Variants in CUL9 observed in about 807,000 individuals in gnomAD.
CUL9 encodes cullin-9.
CUL9 carries 79 observed loss-of-function variants against 272.6 expected under a neutral mutation model. That is an observed-to-expected ratio of 0.29 (90% confidence interval 0.24 to 0.35). CUL9 has a LOEUF of 0.35. Ranked by LOEUF, CUL9 falls within the 10% of genes least tolerant of loss-of-function variation. The pLI is 1.00. For synonymous variants in CUL9, 1,186 were observed against 1,286.5 expected, an observed-to-expected ratio of 0.92 and a Z score of 1.67; for missense variants, 2,532 against 3,255.6, an observed-to-expected ratio of 0.78 and a Z score of 5.41.
In CUL9 at chr6:43,206,793, C is replaced by A. The variant is rs1485148029; in HGVS notation, c.5212+283C>A. On this transcript the variant is annotated intron_variant, in intron 26 of 40. Coordinates refer to ENST00000252050, the MANE Select transcript of CUL9 (RefSeq NM_015089.4). This position sits in a 1 kb window ranked among gnomAD's most constrained non-coding sequence, Gnocchi z 4.8. ...CCAAATAAAAGTGTTTAAGACTATTCATTTCCCTCTCAATACTGCTTTAGT... is the reference window on the plus strand; with the variant it reads ...CCAAATAAAAGTGTTTAAGACTATTAATTTCCCTCTCAATACTGCTTTAGT... Among the ~76,000 whole-genome samples, 2 of 152,128 alleles carry A rather than the reference C, an allele frequency of 1.3e-5. No individual in the cohort carries two copies. Among genetic ancestry groups the A allele is most frequent in the Non-Finnish European group, 2.9e-5 (2 of 68,018 alleles).
chr6:43,216,113 T>C (rs763131560), intron 30 of CUL9, 45 bp from the exon 31 acceptor site: 1 of 1,550,278 alleles, frequency 6.5e-7, no homozygotes, highest in Admixed American at 1.7e-5. Context: ...GTAGGCTGGA[T>C]AGCAGGGCAG....
intron 31 of CUL9, among the ~76,000 whole-genome samples, chr6:43,219,263 A>G (rs1031382047): frequency 1.1e-4 from 16 of 152,188 alleles, no homozygotes; most frequent in African/African-American, 3.9e-4. Flanking sequence ...AAGCCCCTGC[A>G]AGGAGGAGCC....
Position 43,223,556 on chromosome 6 carries a change from ACCTG to A in CUL9, c.7284+164_7284+167del, listed in dbSNP as rs1582447784. On this transcript the variant is annotated intron_variant, in intron 39 of 40. Coordinates refer to ENST00000252050, the MANE Select transcript of CUL9 (RefSeq NM_015089.4). The surrounding 1 kb of genome is among the most constrained non-coding windows in gnomAD (Gnocchi z 4.1). The stretch of plus-strand genomic sequence containing the variant: ...GGCGCACATCCCGGCTTTTGGGCCA[ACCTG>A]CCTGATGCTGCTGGACCCTATCACT... 11 of 943,932 alleles carry A rather than the reference ACCTG, an allele frequency of 1.2e-5. No individual in the cohort carries two copies. In the East Asian group the frequency reaches 2.9e-4, roughly 25 times the overall value. The allele number at this position is 943,932 out of a possible 1,614,324, so 58.5% of individuals were successfully genotyped here.
rs1772831868 is a variant in CUL9, at chr6:43,185,564, C to T, written c.704C>T (p.Ser235Phe). 6.2e-7 allele frequency: 1 copy of T among 1,613,638 alleles called. No individual in the cohort carries two copies. The highest frequency in any genetic ancestry group is 1.7e-5 in the Admixed American group (1 of 60,010). ...TLLELFAETT[S>F]SEEHCMAFEG... The stretch of plus-strand genomic sequence containing the variant: ...CTGGAGCTGTTTGCAGAAACCACAT[C>T]CTCTGAAGAACACTGCATGGCCTTT... The change falls in exon 3 of 41, where the codon TCC (serine) becomes TTC (phenylalanine). Residue 235 changes from serine to phenylalanine, a missense_variant. By Grantham distance (155) the Ser-to-Phe change is radical. Around this residue, in one of 3 missense-constraint regions of CUL9, gnomAD observed 2,218 missense variants for 2,788.6 expected, o/e 0.80. Coordinates refer to ENST00000252050, the MANE Select transcript of CUL9 (RefSeq NM_015089.4).
At position 43,199,277 on chromosome 6, in the gene CUL9, G is replaced by T; in HGVS notation, c.3062G>T (p.Arg1021Leu). ...LLLSVLRVIT[R>L]LLDFPEAMVL... is the part of the protein sequence containing the mutation. ...TACCCCCTCACCAGGGTCATAACCCGACTGCTGGATTTCCCTGAGGCAATG... is the reference window on the plus strand; with the variant it reads ...TACCCCCTCACCAGGGTCATAACCCTACTGCTGGATTTCCCTGAGGCAATG... Residue 1021 changes from arginine (R) to leucine (L), a missense_variant, in exon 13 of 41, where the codon CGA (arginine) becomes CTA (leucine). This residue lies in a region of CUL9 where 2,218 missense variants were observed against 2,788.6 expected (regional missense o/e 0.80). Transcript: ENST00000252050. This position sits in a 1 kb window ranked among gnomAD's most constrained non-coding sequence, Gnocchi z 4.4. 1 of 1,613,034 alleles carries T rather than the reference G, an allele frequency of 6.2e-7. No individual in the cohort carries two copies. The highest frequency in any genetic ancestry group is 1.1e-5 in the South Asian group (1 of 90,996).
At chr6:43,207,474 C>G (rs1345769535) in intron 26 of CUL9, among the ~76,000 whole-genome samples, 3 of 152,154 alleles carry the variant, frequency 2.0e-5, no homozygotes, top group South Asian at 2.1e-4. Flanking sequence ...TTAGTTTATT[C>G]ATTTATTTTG....
In CUL9 at chr6:43,184,631, GGAT is replaced by G. The variant is rs749188917; in HGVS notation, c.324_326del (p.Asp108del). ...GCTTTCCTCGAGATCCAGGAGGCCTGGATGAAGTGGCAATGGGAGAGATGGAGG... is the reference window on the plus strand; with the variant it reads ...GCTTTCCTCGAGATCCAGGAGGCCTGGAAGTGGCAATGGGAGAGATGGAGG... On this transcript the variant is annotated inframe_deletion, in exon 2 of 41. Transcript: ENST00000252050. This position sits in a 1 kb window ranked among gnomAD's most constrained non-coding sequence, Gnocchi z 4.8. The G allele has an allele frequency of 6.2e-7, 1 of 1,612,062 alleles. No homozygotes were observed. The highest frequency in any genetic ancestry group is 1.7e-5 in the Admixed American group (1 of 59,982).
chr6:43,200,793 C>T lies in CUL9; in HGVS notation c.3606C>T (p.Ser1202=), dbSNP rs776774605. ...GGGAGTCCAACGGCAGCACCGGCTC[C>T]CACTACATCACCCTGCACATGCACC... The part of the protein sequence containing the change: ...TYWESNGSTG[S]HYITLHMHRG... The change falls in exon 16 of 41, where the codon TCC becomes TCT. Residue 1202 remains serine, a synonymous_variant. Transcript: ENST00000252050. The surrounding 1 kb of genome is among the most constrained non-coding windows in gnomAD (Gnocchi z 4.0). 6.2e-7 allele frequency: 1 copy of T among 1,614,214 alleles called. No homozygotes were observed. The highest frequency in any genetic ancestry group is 8.5e-7 in the Non-Finnish European group (1 of 1,180,044).
intron 20 of CUL9, 34 bp from the exon 21 acceptor site, chr6:43,204,326 C>A: frequency 1.2e-6 from 2 of 1,607,880 alleles, no homozygotes; most frequent in Admixed American, 1.7e-5. Flanking sequence ...TCCCATCTCC[C>A]ATGGAGACCT....
At position 43,213,347 on chromosome 6, in the gene CUL9, G is replaced by A. The variant is rs896944000; in HGVS notation, c.5358+53G>A. 9 of 1,611,040 alleles carry A rather than the reference G, an allele frequency of 5.6e-6. No individual in the cohort carries two copies. The African/African-American group carries it at 1.1e-4, about 19-fold the overall frequency. On this transcript the variant is annotated intron_variant, in intron 27 of 40. Transcript: ENST00000252050. This position sits in a 1 kb window ranked among gnomAD's most constrained non-coding sequence, Gnocchi z 5.7. ...CTTCTCTGCTACCTTATCTGTCGCT[G>A]TTCTCCTCCTAAACCCTGTTCCTCC...
intron 26 of CUL9, among the ~76,000 whole-genome samples, chr6:43,210,390 A>G (rs995944660): frequency 1.3e-5 from 2 of 152,200 alleles, no homozygotes; most frequent in African/African-American, 4.8e-5. Flanking sequence ...GTACTTCCCA[A>G]GGCTTTACAC....
intron 4 of CUL9, 142 bp from the exon 5 acceptor site, chr6:43,186,818 G>GC (rs1772960145): frequency 9.5e-7 from 1 of 1,047,392 alleles, no homozygotes; most frequent in African/African-American, 1.6e-5. Flanking sequence ...CCATATGGGG[G>GC]TTTTTCCAGG....
chr6:43,184,328 T>C lies in CUL9; in HGVS notation c.18T>C (p.His6=), dbSNP rs1207107671. 4 of 1,533,354 alleles carry C rather than the reference T, an allele frequency of 2.6e-6. No homozygotes were observed. Among genetic ancestry groups the C allele is most frequent in the African/African-American group, 2.8e-5 (2 of 72,656 alleles). The allele number at this position is 1,533,354 out of a possible 1,614,324, so 95.0% of individuals were successfully genotyped here. Residue 6 remains histidine, a synonymous_variant, in exon 2 of 41, where the codon CAT becomes CAC. Transcript: ENST00000252050. This position sits in a 1 kb window ranked among gnomAD's most constrained non-coding sequence, Gnocchi z 4.8. ...AGGTCAGGATGGTGGGGGAACGGCA[T>C]GCTGGGGACCTCATGGTGCCCTTAG... MVGER[H]AGDLMVPLGP... is the part of the protein sequence containing the mutation.
rs867165984 is a variant in CUL9, at chr6:43,222,143, C to T, written c.6847-173C>T. Reference sequence around the variant, plus strand: ...GTTCATTTACTTCTCCAAGCCTCAACAGCCTCTGCAAAAGGGGTGAATAAT... The same window carrying T: ...GTTCATTTACTTCTCCAAGCCTCAATAGCCTCTGCAAAAGGGGTGAATAAT... On this transcript the variant is annotated intron_variant, in intron 35 of 40. Transcript: ENST00000252050. The T allele has an allele frequency of 7.8e-6, 5 of 644,682 alleles. No homozygotes were observed. The East Asian group carries it at 1.0e-4, about 14-fold the overall frequency. 39.9% of individuals were successfully genotyped at this position (644,682 alleles called of 1,614,324 possible).
At chr6:43,212,848 A>G (rs886310588) in intron 26 of CUL9, 5 of 314,696 alleles carry the variant, frequency 1.6e-5, no homozygotes, top group Non-Finnish European at 2.4e-5. Flanking sequence ...GGTCTTTAAA[A>G]CTGTGAGCTC....
intron 24 of CUL9, 65 bp from the exon 25 acceptor site, chr6:43,205,942 C>A: frequency 7.0e-7 from 1 of 1,430,630 alleles, no homozygotes; most frequent in Non-Finnish European, 9.7e-7. Context: ...CCTACATTCT[C>A]GAGGGGGAGG....
At position 43,199,122 on chromosome 6, in the gene CUL9, G is replaced by A. The variant is rs964320331; in HGVS notation, c.3051-144G>A. On this transcript the variant is annotated intron_variant, in intron 12 of 40. Coordinates refer to ENST00000252050, the MANE Select transcript of CUL9 (RefSeq NM_015089.4). The surrounding 1 kb of genome is among the most constrained non-coding windows in gnomAD (Gnocchi z 4.4). ...CAGCTAATTTTGTATTTTTAGTAGA[G>A]ATGGGGTTTCTCCATTTTGGTCAGG... 1.2e-5 allele frequency: 9 copies of A among 775,900 alleles called. No homozygotes were observed. In the Admixed American group the frequency reaches 1.9e-4, roughly 17 times the overall value. The allele number at this position is 775,900 out of a possible 1,614,324, so 48.1% of individuals were successfully genotyped here.
Position 43,216,279 on chromosome 6 carries a change from G to A in CUL9, c.6058G>A (p.Glu2020Lys), listed in dbSNP as rs577416179. The change falls in exon 31 of 41, where the codon GAG becomes AAG. Residue 2020 changes from glutamate to lysine, a missense_variant. Coordinates refer to ENST00000252050, the MANE Select transcript of CUL9 (RefSeq NM_015089.4). Reference sequence around the variant, plus strand: ...TCAGGTGCAGGAGACGCTGAACTTAGAGCCAGATGTCGCTCAGCACCTTTT... The same window carrying A: ...TCAGGTGCAGGAGACGCTGAACTTAAAGCCAGATGTCGCTCAGCACCTTTT... ...VRQVQETLNL[E>K]PDVAQHLLAH... 2.5e-6 allele frequency: 4 copies of A among 1,614,032 alleles called. No homozygotes were observed. In the African/African-American group the frequency reaches 4.0e-5, roughly 16 times the overall value.
chr6:43,204,575 C>T lies in CUL9; in HGVS notation c.4339+36C>T, dbSNP rs369507668. The T allele has an allele frequency of 5.8e-4, 929 of 1,611,592 alleles. 4 individuals are homozygous for T. The Middle Eastern group carries it at 6.1e-3, about 11-fold the overall frequency. ...GCTGTGGCCAGTGGAGCTGACTCTG[C>T]GGACAGTGGTGTATCTGGCTCCCTC... On this transcript the variant is annotated intron_variant, in intron 21 of 40. Coordinates refer to ENST00000252050, the MANE Select transcript of CUL9 (RefSeq NM_015089.4).
Sources: allele counts gnomAD v4.1 joint callset (sites outside exome capture counted in the v4.1 genomes callset), GRCh38; gene constraint gnomAD v4.1.1; regional missense constraint gnomAD v4.1.1; non-coding constraint Gnocchi (gnomAD v3.1); transcripts MANE v1.5; gene names NCBI Gene and HGNC (gene_info 2026-07-23, HGNC 2026-07-21).